Variants in TXNRD1 observed in about 807,000 individuals in gnomAD.
TXNRD1 encodes the protein thioredoxin reductase 1, cytoplasmic.
In TXNRD1, 57 loss-of-function variants were observed where a neutral mutation model predicts 80.3. The observed-to-expected ratio is 0.71, with a 90% CI of 0.57 to 0.89. The LOEUF (loss-of-function observed/expected upper bound fraction) is 0.89, where lower values mean the gene tolerates loss of function less well. Among genes scored for constraint, TXNRD1 ranks in the 40% least tolerant of loss-of-function variants. The pLI is 0.00. For synonymous variants in TXNRD1, 291 were observed against 285.2 expected (o/e 1.02, Z -0.20); for missense variants, 730 against 803.0 (o/e 0.91, Z 1.10).
chr12:104,275,665 G>A (rs1212507832), intron 3 of TXNRD1, among the ~76,000 whole-genome samples: 3 of 152,174 alleles, frequency 2.0e-5, no homozygotes, highest in South Asian at 4.1e-4. Context: ...TTACAGGCAT[G>A]AGCCACTGCA....
At chr12:104,221,975 G>C (rs1274531405) in intron 1 of TXNRD1, among the ~76,000 whole-genome samples, 1 of 152,182 alleles carries the variant, frequency 6.6e-6, no homozygotes, top group Non-Finnish European at 1.5e-5. Context: ...ATGCTGTACA[G>C]ACAGGGCAAT....
rs751021715 is a variant in TXNRD1, at chr12:104,337,235, G to A, written c.1747-1904G>A. Reference sequence around the variant, plus strand: ...TTATTCATACCATAAACCCGGAATCGTCAGGGCGAATATGTGTAAGAGTAC... The same window carrying A: ...TTATTCATACCATAAACCCGGAATCATCAGGGCGAATATGTGTAAGAGTAC... On this transcript the variant is annotated intron_variant, in intron 15 of 16. Coordinates refer to ENST00000525566, the MANE Select transcript of TXNRD1 (RefSeq NM_001093771.3). Among the ~76,000 whole-genome samples, 11 of 151,866 alleles carry A rather than the reference G, an allele frequency of 7.2e-5. 1 individual carries two copies. The highest frequency in any genetic ancestry group is 6.2e-4 in the South Asian group (3 of 4,816).
chr12:104,233,201 A>G (rs73394517), intron 1 of TXNRD1, among the ~76,000 whole-genome samples: 33,378 of 152,240 alleles, frequency 0.22, 4,657 homozygotes, highest in African/African-American at 0.4. Flanking sequence ...TAACAGCTAC[A>G]TAGGGCTTAA....
At chr12:104,237,776 A>C (rs978307913) in intron 1 of TXNRD1, among the ~76,000 whole-genome samples, 1 of 152,198 alleles carries the variant, frequency 6.6e-6, no homozygotes, top group African/African-American at 2.4e-5. Flanking sequence ...GCACTTTGGG[A>C]GGCTGAGGCA....
chr12:104,339,537 TC>T (rs1176066430), intron 16 of TXNRD1: 1 of 553,192 alleles, frequency 1.8e-6, no homozygotes, highest in African/African-American at 1.9e-5. Context: ...TATCATATCT[TC>T]TAAATTATTT....
chr12:104,267,068 A>C (rs867160539), intron 3 of TXNRD1, among the ~76,000 whole-genome samples: 1 of 150,734 alleles, frequency 6.6e-6, no homozygotes, highest in Non-Finnish European at 1.5e-5. Flanking sequence ...TGGGAGGCTG[A>C]GGCAGGAGAA....
At chr12:104,240,750 ATT>A (rs11422135) in intron 1 of TXNRD1, among the ~76,000 whole-genome samples, 1 of 143,008 alleles carries the variant, frequency 7.0e-6, no homozygotes. Context: ...TCTTTGTGGA[ATT>A]TTTTTTTTTT....
intron 2 of TXNRD1, among the ~76,000 whole-genome samples, chr12:104,254,644 A>AAAAAAAATATATAT: frequency 1.1e-5 from 1 of 93,648 alleles, no homozygotes; most frequent in African/African-American, 5.2e-5. Context: ...AAAAAAAAAA[A>AAAAAAAATATATAT]ATATATATAT....
intron 4 of TXNRD1, chr12:104,305,197 G>A (rs746423508): frequency 3.9e-5 from 12 of 305,212 alleles, no homozygotes; most frequent in Non-Finnish European, 7.5e-5. Flanking sequence ...ACAAGTTTTG[G>A]ATACCAAATT....
intron 8 of TXNRD1, 62 bp downstream of exon 8, chr12:104,319,117 G>A (rs2035436898): frequency 6.6e-7 from 1 of 1,525,418 alleles, no homozygotes; most frequent in African/African-American, 1.4e-5. Context: ...AAAAGCTTTG[G>A]TTAGAAAATG....
At chr12:104,253,220 A>G (rs926192670) in intron 2 of TXNRD1, among the ~76,000 whole-genome samples, 1 of 152,130 alleles carries the variant, frequency 6.6e-6, no homozygotes, top group Admixed American at 6.6e-5. Context: ...AAGTAAAGAA[A>G]AAGGAAGGTG....
intron 9 of TXNRD1, 36 bp downstream of exon 9, chr12:104,319,621 AT>A: frequency 7.0e-7 from 1 of 1,423,744 alleles, no homozygotes; most frequent in Admixed American, 2.1e-5. Flanking sequence ...AGAAAAACCC[AT>A]TGTGGATATT....
At chr12:104,337,995 C>T (rs1249148142) in intron 15 of TXNRD1, among the ~76,000 whole-genome samples, 1 of 144,288 alleles carries the variant, frequency 6.9e-6, no homozygotes, top group Non-Finnish European at 1.5e-5. Flanking sequence ...CAGAGTCTCC[C>T]TATGTTGCCA....
At chr12:104,319,168 AC>A (rs2035440035) in intron 8 of TXNRD1, 113 bp downstream of exon 8, 20 of 1,277,490 alleles carry the variant, frequency 1.6e-5, no homozygotes, top group Non-Finnish European at 2.1e-5. Context: ...TGTGACCCAG[AC>A]TATCCAGTTT....
chr12:104,286,601 TTA>T, intron 3 of TXNRD1: 2 of 511,518 alleles, frequency 3.9e-6, no homozygotes, highest in Non-Finnish European at 5.0e-6. Flanking sequence ...TTTTTTTTTT[TTA>T]AACGCAGAGG....
chr12:104,344,060 G>A (rs889168505), intron 16 of TXNRD1, among the ~76,000 whole-genome samples: 2 of 151,952 alleles, frequency 1.3e-5, no homozygotes, highest in African/African-American at 2.4e-5. Context: ...CCGAGATCAC[G>A]ACACTGCACT....
At chr12:104,289,156 T>TG in intron 4 of TXNRD1, 116 bp downstream of exon 4, 2 of 1,317,742 alleles carry the variant, frequency 1.5e-6, no homozygotes, top group African/African-American at 2.9e-5. Flanking sequence ...GACGCAGCGC[T>TG]GGGAAATGAC....
chr12:104,257,522 T>C (rs1005216582), intron 2 of TXNRD1, among the ~76,000 whole-genome samples: 3 of 149,658 alleles, frequency 2.0e-5, no homozygotes, highest in Non-Finnish European at 4.4e-5. Flanking sequence ...TTCTCCTGCC[T>C]CAGCCTCCCG....
At chr12:104,223,002 G>T (rs553792223) in intron 1 of TXNRD1, among the ~76,000 whole-genome samples, 1 of 152,070 alleles carries the variant, frequency 6.6e-6, no homozygotes, top group Admixed American at 6.5e-5. Flanking sequence ...AATGATCCTT[G>T]GGTGGGCTTG....
Sources: allele counts gnomAD v4.1 joint callset (sites outside exome capture counted in the v4.1 genomes callset), GRCh38; gene constraint gnomAD v4.1.1; transcripts MANE v1.5; gene names NCBI Gene and HGNC (gene_info 2026-07-23, HGNC 2026-07-21).